The following GALNTL6 variants were observed in gnomAD, a reference collection of about 807,000 sequenced individuals.
GALNTL6 encodes the protein polypeptide N-acetylgalactosaminyltransferase-like 6.
A neutral mutation model predicts 73.7 loss-of-function variants in GALNTL6; 46 were observed. The ratio of observed to expected loss-of-function variants is 0.62; its 90% CI spans 0.49 to 0.80. The LOEUF is 0.80. Ranked by LOEUF, GALNTL6 falls within the 30% of genes least tolerant of loss-of-function variation. The pLI is 0.00. For synonymous variants in GALNTL6, 259 were observed against 263.7 expected (o/e 0.98, Z 0.17); for missense variants, 604 against 755.0 (o/e 0.80, Z 2.34).
At chr4:172,688,195 A>G (rs531188011) in intron 5 of GALNTL6, among the ~76,000 whole-genome samples, 1 of 146,518 alleles carries the variant, frequency 6.8e-6, no homozygotes, top group South Asian at 2.1e-4. Context: ...AGGAATAACC[A>G]CTAAGTTAAA....
chr4:172,771,335 A>C (rs1248861776), intron 5 of GALNTL6, among the ~76,000 whole-genome samples: 1 of 152,226 alleles, frequency 6.6e-6, no homozygotes, highest in Admixed American at 6.5e-5. Flanking sequence ...TAGAAAGGCC[A>C]CTGGGACAAG....
At chr4:172,952,618 C>T (rs537547154) in intron 10 of GALNTL6, among the ~76,000 whole-genome samples, 3 of 151,862 alleles carry the variant, frequency 2.0e-5, no homozygotes, top group East Asian at 1.9e-4. Flanking sequence ...CAGGTTCAAA[C>T]GATTCTCCTA....
chr4:172,646,478 T>C (rs1185169877), intron 5 of GALNTL6, among the ~76,000 whole-genome samples: 1 of 152,110 alleles, frequency 6.6e-6, no homozygotes, highest in Non-Finnish European at 1.5e-5. Flanking sequence ...GTTGTTTTTA[T>C]TTTCTATTAG....
chr4:172,535,605 G>A (rs182572599), intron 5 of GALNTL6, among the ~76,000 whole-genome samples: 8 of 152,264 alleles, frequency 5.3e-5, no homozygotes, highest in South Asian at 4.2e-4. Flanking sequence ...ACAGTTCCCC[G>A]AAGTAACTAT....
At chr4:171,981,093 T>C (rs902096719) in intron 2 of GALNTL6, among the ~76,000 whole-genome samples, 10 of 152,208 alleles carry the variant, frequency 6.6e-5, no homozygotes, top group African/African-American at 2.2e-4. Context: ...TGACACAACC[T>C]CAGGGGTCTT....
intron 2 of GALNTL6, chr4:172,052,559 G>C: frequency 6.8e-7 from 1 of 1,479,856 alleles, no homozygotes; most frequent in Non-Finnish European, 9.1e-7. Flanking sequence ...AACGGCTGCA[G>C]TGCAGACCAA....
chr4:172,000,376 T>G (rs1257427040), intron 2 of GALNTL6, among the ~76,000 whole-genome samples: 1 of 152,198 alleles, frequency 6.6e-6, no homozygotes, highest in Non-Finnish European at 1.5e-5. Context: ...CTCTGAGGAC[T>G]GCAGAACATA....
At chr4:172,723,547 A>C (rs1200101100) in intron 5 of GALNTL6, among the ~76,000 whole-genome samples, 1 of 152,084 alleles carries the variant, frequency 6.6e-6, no homozygotes, top group Non-Finnish European at 1.5e-5. Context: ...ATCTTTTTTT[A>C]TACTGTCCTA....
At chr4:172,773,524 C>T (rs368020492) in intron 5 of GALNTL6, among the ~76,000 whole-genome samples, 22 of 151,640 alleles carry the variant, frequency 1.5e-4, no homozygotes, top group East Asian at 5.8e-4. Context: ...GAACTGAGGG[C>T]ATTTATCATG....
chr4:172,902,348 C>T (rs1216925967), intron 8 of GALNTL6, among the ~76,000 whole-genome samples: 7 of 152,174 alleles, frequency 4.6e-5, no homozygotes, highest in Admixed American at 3.3e-4. Context: ...AAGTTATTAA[C>T]GACAATGAAC....
intron 5 of GALNTL6, among the ~76,000 whole-genome samples, chr4:172,604,392 T>C (rs981380912): frequency 4.6e-5 from 7 of 152,136 alleles, no homozygotes; most frequent in African/African-American, 1.7e-4. Flanking sequence ...AAAAACTAAA[T>C]ACTAGTGAGA....
intron 2 of GALNTL6, among the ~76,000 whole-genome samples, chr4:171,907,346 A>G (rs1737319473): frequency 6.6e-6 from 1 of 152,200 alleles, no homozygotes; most frequent in Non-Finnish European, 1.5e-5. Flanking sequence ...CTTATACACC[A>G]ACAACAGACT....
intron 2 of GALNTL6, among the ~76,000 whole-genome samples, chr4:172,206,959 A>C (rs1239619711): frequency 6.6e-6 from 1 of 151,380 alleles, no homozygotes; most frequent in Non-Finnish European, 1.5e-5. Flanking sequence ...CTGGGACTAC[A>C]GGCACCCACC....
intron 5 of GALNTL6, among the ~76,000 whole-genome samples, chr4:172,397,188 C>T (rs1031914086): frequency 6.6e-6 from 1 of 152,114 alleles, no homozygotes; most frequent in Non-Finnish European, 1.5e-5. Context: ...TAGATGTAAA[C>T]TGTTTTAGGA....
intron 2 of GALNTL6, among the ~76,000 whole-genome samples, chr4:171,933,022 G>C (rs1471942353): frequency 6.6e-6 from 1 of 152,124 alleles, no homozygotes; most frequent in Middle Eastern, 3.2e-3. Flanking sequence ...ATAGACTTAT[G>C]AATTAGAATC....
chr4:172,842,001 T>C (rs1027325803), intron 7 of GALNTL6, among the ~76,000 whole-genome samples: 6 of 152,332 alleles, frequency 3.9e-5, no homozygotes, highest in East Asian at 3.9e-4. Flanking sequence ...CTTTTACTTA[T>C]GGTCATGACA....
At chr4:172,450,215 T>TA (rs55660692) in intron 5 of GALNTL6, among the ~76,000 whole-genome samples, 94,438 of 142,580 alleles carry the variant, frequency 0.66, 31,190 homozygotes, top group South Asian at 0.81. Context: ...GAAACTCCAT[T>TA]AAAAAAAAAA....
chr4:172,426,426 T>C (rs1295619717), intron 5 of GALNTL6, among the ~76,000 whole-genome samples: 2 of 152,134 alleles, frequency 1.3e-5, no homozygotes, highest in Non-Finnish European at 2.9e-5. Flanking sequence ...AGGACTATAA[T>C]GGCAACCACA....
chr4:171,995,542 A>G (rs1740460779), intron 2 of GALNTL6, among the ~76,000 whole-genome samples: 1 of 152,054 alleles, frequency 6.6e-6, no homozygotes, highest in Non-Finnish European at 1.5e-5. Context: ...TATTTAATAT[A>G]TTATTATGTG....
Sources: allele counts gnomAD v4.1 joint callset (sites outside exome capture counted in the v4.1 genomes callset), GRCh38; gene constraint gnomAD v4.1.1; transcripts MANE v1.5; gene names NCBI Gene and HGNC (gene_info 2026-07-23, HGNC 2026-07-21).